The following TMEM87B variants were observed in gnomAD, a reference collection of about 807,000 sequenced individuals.
TMEM87B encodes the protein transmembrane protein 87B.
Under a neutral mutation model 80.3 loss-of-function variants are expected in TMEM87B, and 83 were observed. The observed-to-expected ratio is 1.03, with a 90% confidence interval of 0.87 to 1.24. TMEM87B has a LOEUF of 1.24. Among genes scored for constraint, TMEM87B ranks in the 50% most tolerant of loss-of-function variants. The probability of loss-of-function intolerance (pLI) is 0.00; values close to 1 mark genes in which losing one functional copy is unlikely to be tolerated. For synonymous variants in TMEM87B, 219 were observed against 230.5 expected (o/e 0.95, Z 0.45); for missense variants, 625 against 674.4 (o/e 0.93, Z 0.81).
chr2:112,094,459 C>T (rs979762311), intron 11 of TMEM87B, among the ~76,000 whole-genome samples: 1 of 152,064 alleles, frequency 6.6e-6, no homozygotes. Context: ...CCGTGCCCTG[C>T]CGATTTCTTG....
chr2:112,108,439 T>A (rs1293922263), intron 17 of TMEM87B, among the ~76,000 whole-genome samples: 1 of 152,236 alleles, frequency 6.6e-6, no homozygotes, highest in African/African-American at 2.4e-5. Context: ...TGCCTTTACA[T>A]TTCTTTCTTG....
chr2:112,071,128 A>G (rs966067187), intron 4 of TMEM87B, among the ~76,000 whole-genome samples: 4 of 151,846 alleles, frequency 2.6e-5, no homozygotes, highest in East Asian at 3.9e-4. Flanking sequence ...CCGGCTGAGC[A>G]TGGAACATCT....
intron 1 of TMEM87B, among the ~76,000 whole-genome samples, chr2:112,056,466 T>C (rs1486494543): frequency 1.3e-5 from 2 of 151,918 alleles, no homozygotes; most frequent in East Asian, 3.9e-4. Context: ...AAACTTGGCG[T>C]CTGGTAATTA....
At chr2:112,079,297 C>T (rs1678916737) in intron 6 of TMEM87B, among the ~76,000 whole-genome samples, 2 of 152,170 alleles carry the variant, frequency 1.3e-5, no homozygotes, top group South Asian at 4.1e-4. Context: ...CCTCTGTACC[C>T]ACCATTCTGC....
At chr2:112,060,821 G>A (rs1255535711) in intron 2 of TMEM87B, among the ~76,000 whole-genome samples, 1 of 152,142 alleles carries the variant, frequency 6.6e-6, no homozygotes, top group East Asian at 1.9e-4. Context: ...ACAGGCATGA[G>A]CCACTGTGCA....
chr2:112,082,580 T>C (rs563000830), intron 8 of TMEM87B, among the ~76,000 whole-genome samples: 1 of 152,254 alleles, frequency 6.6e-6, no homozygotes, highest in African/African-American at 2.4e-5. Context: ...TAAAAGGACA[T>C]GTACCAAAGA....
chr2:112,064,327 A>G (rs1286742741), intron 3 of TMEM87B, 74 bp downstream of exon 3: 5 of 1,245,654 alleles, frequency 4.0e-6, no homozygotes, highest in Non-Finnish European at 5.8e-6. Flanking sequence ...TAGCTCATCA[A>G]GCGAGGAGGC....
At chr2:112,082,702 T>A (rs1679035108) in intron 8 of TMEM87B, among the ~76,000 whole-genome samples, 2 of 152,252 alleles carry the variant, frequency 1.3e-5, no homozygotes, top group African/African-American at 4.8e-5. Flanking sequence ...GCATGTGTGC[T>A]CTAAACCAGA....
In TMEM87B at chr2:112,055,600, C is replaced by T. The variant is rs1284267754; in HGVS notation, c.9C>T (p.Ala3=). MV[A]ACRSVAGLLP... ...GCAGCTTCCTGGTCAAGATGGTCGC[C>T]GCCTGCCGCTCGGTAGCCGGGCTCC... The change falls in exon 1 of 19, where the codon GCC becomes GCT. Residue 3 remains alanine, a synonymous_variant. Transcript: ENST00000283206. 6.6e-7 allele frequency: 1 copy of T among 1,524,210 alleles called. No individual in the cohort carries two copies. The highest frequency in any genetic ancestry group is 2.0e-5 in the Admixed American group (1 of 49,248). 94.4% of individuals were successfully genotyped at this position (1,524,210 alleles called of 1,614,324 possible).
At position 112,065,014 on chromosome 2, in the gene TMEM87B, A is replaced by G. The variant is rs551155932; in HGVS notation, c.318+761A>G. Among the ~76,000 whole-genome samples, 25 of 152,214 alleles carry G rather than the reference A, an allele frequency of 1.6e-4. 1 individual carries two copies. The highest frequency in any genetic ancestry group is 6.0e-4 in the African/African-American group (25 of 41,524). Reference sequence around the variant, plus strand: ...CTCTCTGTCACCCAGGCTGGAGTGCAGTGGTGCGATCATGGCTCACTCCAG... The same window carrying G: ...CTCTCTGTCACCCAGGCTGGAGTGCGGTGGTGCGATCATGGCTCACTCCAG... On this transcript the variant is annotated intron_variant, in intron 3 of 18. Coordinates refer to ENST00000283206, the MANE Select transcript of TMEM87B (RefSeq NM_032824.3).
At chr2:112,105,007 C>T (rs1679726193) in intron 15 of TMEM87B, among the ~76,000 whole-genome samples, 1 of 151,958 alleles carries the variant, frequency 6.6e-6, no homozygotes, top group African/African-American at 2.4e-5. Context: ...TGGGGATTGA[C>T]CAGAAAGGAA....
At chr2:112,113,181 G>A (rs1428002520) in intron 18 of TMEM87B, among the ~76,000 whole-genome samples, 4 of 152,180 alleles carry the variant, frequency 2.6e-5, no homozygotes, top group Non-Finnish European at 2.9e-5. Context: ...GAGTTTAAAC[G>A]ATTTTAAGAT....
At chr2:112,088,347 C>T (rs943385638) in intron 9 of TMEM87B, among the ~76,000 whole-genome samples, 3 of 152,136 alleles carry the variant, frequency 2.0e-5, no homozygotes, top group Non-Finnish European at 4.4e-5. Flanking sequence ...CAGATACAAA[C>T]CCTTTTTAAA....
rs79754224 is a variant in TMEM87B at position 112,064,626 on chromosome 2, G to A, written c.318+373G>A. On this transcript the variant is annotated intron_variant, in intron 3 of 18. Coordinates refer to ENST00000283206, the MANE Select transcript of TMEM87B (RefSeq NM_032824.3). ...TAGATTTAGTGAGCACAAGTAGATC[G>A]CAGAAAGAGGTGAGGAGAAGAAAGG... is the stretch of plus-strand genomic sequence containing the variant. 2.5e-3 allele frequency among the ~76,000 whole-genome samples: 382 copies of A among 152,296 alleles called. 2 individuals are homozygous for A. Among genetic ancestry groups the A allele is most frequent in the African/African-American group, 8.1e-3 (335 of 41,564 alleles).
At chr2:112,103,793 G>A (rs1042758925) in intron 15 of TMEM87B, among the ~76,000 whole-genome samples, 9 of 152,074 alleles carry the variant, frequency 5.9e-5, no homozygotes, top group South Asian at 2.1e-4. Context: ...TATGGTATGC[G>A]AATTATCTCT....
rs754340044 is a variant in TMEM87B, at chr2:112,116,696, C to T, written c.*553C>T. ...TATTTATAGGTTTTTTCCGCTCCCC[C>T]CCAACCCACCCTTTTTAAAAAATCT... On this transcript the variant is annotated 3_prime_UTR_variant, in exon 19 of 19. Transcript: ENST00000283206. The T allele has an allele frequency of 1.3e-5, 2 of 151,962 alleles. No individual in the cohort carries two copies. Among genetic ancestry groups the T allele is most frequent in the East Asian group, 3.9e-4 (2 of 5,188 alleles). 9.4% of individuals were successfully genotyped at this position (151,962 alleles called of 1,614,324 possible).
intron 5 of TMEM87B, among the ~76,000 whole-genome samples, chr2:112,075,423 T>C (rs1364923115): frequency 6.6e-6 from 1 of 152,136 alleles, no homozygotes; most frequent in Non-Finnish European, 1.5e-5. Flanking sequence ...CTTATATATG[T>C]CTATATGAAT....
At chr2:112,057,549 T>TAA (rs1678117031) in intron 1 of TMEM87B, among the ~76,000 whole-genome samples, 3 of 152,202 alleles carry the variant, frequency 2.0e-5, no homozygotes, top group Admixed American at 2.0e-4. Context: ...GTATTGGGAT[T>TAA]ACAGGCATGA....
intron 11 of TMEM87B, among the ~76,000 whole-genome samples, chr2:112,092,589 GAA>G (rs1217907732): frequency 6.6e-6 from 1 of 152,226 alleles, no homozygotes; most frequent in African/African-American, 2.4e-5. Flanking sequence ...GTGGTCGAAA[GAA>G]GAGATGGTGA....
Sources: allele counts gnomAD v4.1 joint callset (sites outside exome capture counted in the v4.1 genomes callset), GRCh38; gene constraint gnomAD v4.1.1; transcripts MANE v1.5; gene names NCBI Gene and HGNC (gene_info 2026-07-23, HGNC 2026-07-21).